FAM163A: variants seen among roughly 807,000 people sequenced by gnomAD.
The protein encoded by FAM163A is family with sequence similarity 163 member A, also known as protein FAM163A.
Under a neutral mutation model 12.0 loss-of-function variants are expected in FAM163A, and 7 were observed. That is an observed-to-expected ratio of 0.58 (90% confidence interval 0.33 to 1.10). FAM163A has a LOEUF of 1.10. FAM163A is among the 50% of genes least tolerant of loss of function. FAM163A has a pLI of 0.03. For missense variants in FAM163A, 202 were observed against 218.6 expected, an observed-to-expected ratio of 0.92 and a Z score of 0.48; for synonymous variants, 101 against 91.0, an observed-to-expected ratio of 1.11 and a Z score of -0.62.
chr1:179,781,917 G>C (rs1035865742), intron 1 of FAM163A, among the ~76,000 whole-genome samples: 29 of 135,812 alleles, frequency 2.1e-4, no homozygotes, highest in Non-Finnish European at 3.2e-4. Context: ...CTGGGCAACA[G>C]AGCAAGAATC....
intron 1 of FAM163A, among the ~76,000 whole-genome samples, chr1:179,767,046 GC>G (rs1214693377): frequency 6.6e-6 from 1 of 151,972 alleles, no homozygotes; most frequent in Non-Finnish European, 1.5e-5. Context: ...ATGAACCACC[GC>G]CCCCGGCCTT....
chr1:179,758,157 A>G (rs1046834177), intron 1 of FAM163A, among the ~76,000 whole-genome samples: 1 of 151,760 alleles, frequency 6.6e-6, no homozygotes, highest in East Asian at 1.9e-4. Context: ...GCTGGCTGCT[A>G]GGCAGAATCG....
At chr1:179,779,813 T>C (rs982179642) in intron 1 of FAM163A, among the ~76,000 whole-genome samples, 1 of 152,206 alleles carries the variant, frequency 6.6e-6, no homozygotes, top group African/African-American at 2.4e-5. Context: ...GGAGGATATG[T>C]TGGTTAGAGG....
chr1:179,751,045 G>A (rs1417227452), intron 1 of FAM163A, among the ~76,000 whole-genome samples: 1 of 152,174 alleles, frequency 6.6e-6, no homozygotes, highest in Non-Finnish European at 1.5e-5. Context: ...TAAAGAACCA[G>A]GCTTTGGGGC....
At chr1:179,807,032 G>A (rs1557974136) in intron 1 of FAM163A, among the ~76,000 whole-genome samples, 1 of 151,622 alleles carries the variant, frequency 6.6e-6, no homozygotes, top group Non-Finnish European at 1.5e-5. Flanking sequence ...AACCCGGGAG[G>A]CCGAGGTTGC....
intron 1 of FAM163A, among the ~76,000 whole-genome samples, chr1:179,759,471 C>A (rs1213741666): frequency 6.6e-6 from 1 of 152,112 alleles, no homozygotes; most frequent in Non-Finnish European, 1.5e-5. Flanking sequence ...TGAAGGGACA[C>A]TTAATCCAAG....
intron 1 of FAM163A, among the ~76,000 whole-genome samples, chr1:179,763,848 G>A (rs1025751033): frequency 2.0e-5 from 3 of 152,208 alleles, no homozygotes; most frequent in African/African-American, 7.2e-5. Context: ...TCCCTTGGCT[G>A]AGGAGAGTTT....
At chr1:179,808,392 C>T (rs1481685080) in intron 2 of FAM163A, among the ~76,000 whole-genome samples, 1 of 152,222 alleles carries the variant, frequency 6.6e-6, no homozygotes, top group African/African-American at 2.4e-5. Flanking sequence ...GGCTGGTTGA[C>T]CCGCTGCCTC....
chr1:179,781,861 G>C (rs1689794224), intron 1 of FAM163A, among the ~76,000 whole-genome samples: 1 of 151,162 alleles, frequency 6.6e-6, no homozygotes, highest in African/African-American at 2.4e-5. Flanking sequence ...TTGAGCCCAG[G>C]AGGCGGAGGT....
rs549843584 is a variant in FAM163A, at chr1:179,812,956, C to T, written c.-22-120C>T. ...GGAAACCCCTGGGGCCTGGCCCTCC[C>T]GGCACCTGCTGCTCTCAGGCCCCCT... On this transcript the variant is annotated intron_variant, in intron 3 of 4. Transcript: ENST00000341785. 1.4e-3 allele frequency: 1,230 copies of T among 899,418 alleles called. 3 individuals carry two copies. Among genetic ancestry groups the T allele is most frequent in the Non-Finnish European group, 1.4e-3 (814 of 585,852 alleles). The allele number at this position is 899,418 out of a possible 1,614,324, so 55.7% of individuals were successfully genotyped here. A position where few individuals can be genotyped will look rare whatever the true frequency, so the allele number is the denominator to read the frequency against.
chr1:179,743,626 C>G (rs1241877546), intron 1 of FAM163A, among the ~76,000 whole-genome samples: 6 of 152,166 alleles, frequency 3.9e-5, no homozygotes, highest in Admixed American at 6.5e-5. Context: ...TAGCAGTTCC[C>G]CACTGGGTCT....
intron 1 of FAM163A, among the ~76,000 whole-genome samples, chr1:179,792,669 A>T (rs1042113793): frequency 6.6e-6 from 1 of 152,142 alleles, no homozygotes; most frequent in Admixed American, 6.5e-5. Context: ...GTGTGCCTCC[A>T]TTAGTTACCT....
At chr1:179,742,041 AC>A (rs1262170687), upstream of FAM163A, 2 of 152,256 alleles carry the variant, frequency 1.3e-5, no homozygotes, top group African/African-American at 4.8e-5. Context: ...ACGAGCCTTA[AC>A]TGTGCTGAGA....
intron 1 of FAM163A, among the ~76,000 whole-genome samples, chr1:179,787,726 CAGAATGGAGAAGGGCCTGGATATGGGAGG>C (rs1690854164): frequency 6.6e-6 from 1 of 152,144 alleles, no homozygotes; most frequent in Non-Finnish European, 1.5e-5. Context: ...TGTCTGGTGG[CAGAATGGAGAAGGGCCTGGATATGGGAGG>C]ACTGGAGCTC....
Position 179,814,086 on chromosome 1 carries a change from C to T in FAM163A, c.401C>T (p.Pro134Leu). The change falls in exon 5 of 5, where the codon CCC becomes CTC. Residue 134 changes from proline (P) to leucine (L), a missense_variant. By Grantham distance (98) the Pro-to-Leu change is moderately conservative. Coordinates refer to ENST00000341785, the MANE Select transcript of FAM163A (RefSeq NM_173509.3). ...FAPTYYKEGG[P>L]PSLKLAAPQS... The stretch of plus-strand genomic sequence containing the variant: ...CCCACATACTACAAAGAGGGGGGAC[C>T]CCCATCCCTCAAATTGGCAGCACCC... 6.2e-7 allele frequency: 1 copy of T among 1,614,172 alleles called. No homozygotes were observed.
At position 179,766,526 on chromosome 1, in the gene FAM163A, C is replaced by T. The variant is rs1687521584; in HGVS notation, c.-136+23103C>T. On this transcript the variant is annotated intron_variant, in intron 1 of 4. Coordinates refer to ENST00000341785, the MANE Select transcript of FAM163A (RefSeq NM_173509.3). Reference sequence around the variant, plus strand: ...TAAGCGTAAAAATGAACAATTTCCCCTTGTATCTTTGGGTCTTCATTCTGA... The same window carrying T: ...TAAGCGTAAAAATGAACAATTTCCCTTTGTATCTTTGGGTCTTCATTCTGA... Among the ~76,000 whole-genome samples, 3 of 152,324 alleles carry T rather than the reference C, an allele frequency of 2.0e-5. No homozygotes were observed. In the South Asian group the frequency reaches 6.2e-4, roughly 32 times the overall value.
intron 1 of FAM163A, among the ~76,000 whole-genome samples, chr1:179,754,902 C>CA (rs1372146946): frequency 6.6e-6 from 1 of 152,080 alleles, no homozygotes; most frequent in African/African-American, 2.4e-5. Context: ...TTTGGAAGGC[C>CA]AAGGCGGGCA....
At chr1:179,813,696 C>CA in intron 4 of FAM163A, 83 bp from the exon 5 acceptor site, 1 of 1,501,200 alleles carries the variant, frequency 6.7e-7, no homozygotes, top group Non-Finnish European at 9.1e-7. Flanking sequence ...GAGCAGGGGA[C>CA]AGGGGCACCT....
intron 2 of FAM163A, among the ~76,000 whole-genome samples, chr1:179,808,736 C>A (rs1429860820): frequency 6.6e-6 from 1 of 152,204 alleles, no homozygotes; most frequent in Non-Finnish European, 1.5e-5. Flanking sequence ...TACACAAGGG[C>A]ATGACTGCCA....
Sources: allele counts gnomAD v4.1 joint callset (sites outside exome capture counted in the v4.1 genomes callset), GRCh38; gene constraint gnomAD v4.1.1; transcripts MANE v1.5; gene names NCBI Gene and HGNC (gene_info 2026-07-23, HGNC 2026-07-21).